The following SGCZ variants were observed in gnomAD, a reference collection of about 807,000 sequenced individuals.
SGCZ encodes the protein zeta-sarcoglycan.
A neutral mutation model predicts 41.3 loss-of-function variants in SGCZ; 40 were observed. That is an observed-to-expected ratio of 0.97 (90% CI 0.75 to 1.26). The LOEUF (loss-of-function observed/expected upper bound fraction) is 1.26. Among genes scored for constraint, SGCZ ranks in the 50% most tolerant of loss-of-function variants. SGCZ has a pLI of 0.00. For missense variants in SGCZ, 552 were observed against 369.8 expected, an observed-to-expected ratio of 1.49 and a Z score of -4.04; for synonymous variants, 206 against 137.5, an observed-to-expected ratio of 1.50 and a Z score of -3.49.
At chr8:14,464,544 G>T (rs562623532) in intron 2 of SGCZ, among the ~76,000 whole-genome samples, 1 of 147,258 alleles carries the variant, frequency 6.8e-6, no homozygotes, top group South Asian at 2.2e-4. Flanking sequence ...TCTTTTCAAA[G>T]AACCTAATTT....
intron 3 of SGCZ, chr8:14,309,242 C>T: frequency 6.6e-7 from 1 of 1,524,486 alleles, no homozygotes; most frequent in Non-Finnish European, 9.1e-7. Context: ...CTTCTGGGCT[C>T]TGTACAACCA....
At chr8:14,662,355 C>T (rs1201873111) in intron 1 of SGCZ, among the ~76,000 whole-genome samples, 2 of 152,172 alleles carry the variant, frequency 1.3e-5, no homozygotes, top group Non-Finnish European at 2.9e-5. Context: ...TTTGTTTCCT[C>T]ATGTGAAATG....
intron 2 of SGCZ, among the ~76,000 whole-genome samples, chr8:14,326,409 A>T (rs1395735079): frequency 1.3e-5 from 2 of 152,138 alleles, no homozygotes; most frequent in East Asian, 3.9e-4. Context: ...GAAGAGAGAA[A>T]AAAACGAATA....
intron 2 of SGCZ, among the ~76,000 whole-genome samples, chr8:14,463,522 T>G (rs952580975): frequency 1.1e-4 from 16 of 151,388 alleles, no homozygotes. Context: ...ATATGAAATC[T>G]AAAACTATAA....
intron 2 of SGCZ, among the ~76,000 whole-genome samples, chr8:14,368,959 G>A (rs184346210): frequency 4.6e-5 from 7 of 151,860 alleles, no homozygotes; most frequent in Admixed American, 2.0e-4. Context: ...TCTGATAGGG[G>A]TTAAGGAAGC....
At chr8:14,102,240 A>C (rs1973167) in intron 7 of SGCZ, 136 bp downstream of exon 7, 1 of 1,002,144 alleles carries the variant, frequency 1.0e-6, no homozygotes, top group Non-Finnish European at 1.3e-6. Context: ...ACCTAATATT[A>C]CTTTCCTAAG....
chr8:14,424,517 T>C (rs1409679757), intron 2 of SGCZ, among the ~76,000 whole-genome samples: 6 of 152,176 alleles, frequency 3.9e-5, no homozygotes, highest in Non-Finnish European at 8.8e-5. Context: ...TATACACAAA[T>C]ATGTGTGTGT....
At chr8:14,391,616 G>C (rs10156268) in intron 2 of SGCZ, among the ~76,000 whole-genome samples, 2,302 of 152,188 alleles carry the variant, frequency 0.015, 62 homozygotes, top group African/African-American at 0.052. Context: ...GTATTGCATA[G>C]ATGGGTATGA....
intron 1 of SGCZ, among the ~76,000 whole-genome samples, chr8:14,660,538 T>C (rs1807714031): frequency 8.3e-6 from 1 of 120,746 alleles, no homozygotes; most frequent in Non-Finnish European, 1.6e-5. Context: ...GCCACTGCAC[T>C]CCAGCCTGGG....
intron 1 of SGCZ, among the ~76,000 whole-genome samples, chr8:15,175,079 C>T (rs1799957108): frequency 6.6e-6 from 1 of 152,082 alleles, no homozygotes; most frequent in Admixed American, 6.5e-5. Context: ...CAAACCTGCA[C>T]ATTCTGCACG....
chr8:14,977,880 TACACACACACACACAC>T (rs10562709), intron 1 of SGCZ, among the ~76,000 whole-genome samples: 9 of 149,532 alleles, frequency 6.0e-5, no homozygotes, highest in Non-Finnish European at 1.2e-4. Flanking sequence ...AGAACAATTT[TACACACACACACACAC>T]ACACACACAC....
intron 5 of SGCZ, among the ~76,000 whole-genome samples, chr8:14,111,264 C>T (rs185642498): frequency 1.2e-4 from 18 of 152,166 alleles, no homozygotes; most frequent in Non-Finnish European, 2.5e-4. Context: ...ATACTGAAAG[C>T]ATATCTTGAG....
intron 1 of SGCZ, among the ~76,000 whole-genome samples, chr8:15,033,486 C>A (rs1217392753): frequency 1.3e-5 from 2 of 152,084 alleles, no homozygotes; most frequent in African/African-American, 2.4e-5. Context: ...GGTCCAATAT[C>A]ACCTTAGTAC....
chr8:14,341,689 T>C (rs1278071512), intron 2 of SGCZ, among the ~76,000 whole-genome samples: 2 of 152,174 alleles, frequency 1.3e-5, no homozygotes, highest in Non-Finnish European at 2.9e-5. Flanking sequence ...AGGAAGTAAT[T>C]GAATCATGGG....
chr8:14,240,685 C>G (rs1051512927), intron 3 of SGCZ, among the ~76,000 whole-genome samples: 2 of 152,112 alleles, frequency 1.3e-5, no homozygotes, highest in African/African-American at 4.8e-5. Context: ...TGATCTGAAC[C>G]AAAACCAAGT....
At chr8:14,332,025 A>G (rs1445637595) in intron 2 of SGCZ, among the ~76,000 whole-genome samples, 1 of 152,048 alleles carries the variant, frequency 6.6e-6, no homozygotes, top group Non-Finnish European at 1.5e-5. Context: ...CCTTATACAT[A>G]TCCTTATTCT....
intron 2 of SGCZ, among the ~76,000 whole-genome samples, chr8:14,520,409 G>A (rs1172755647): frequency 6.6e-6 from 1 of 152,064 alleles, no homozygotes; most frequent in East Asian, 1.9e-4. Context: ...AACTGAAACA[G>A]TTAATAACAT....
At chr8:15,165,193 G>C (rs1427345163) in intron 1 of SGCZ, among the ~76,000 whole-genome samples, 2 of 152,102 alleles carry the variant, frequency 1.3e-5, no homozygotes, top group East Asian at 1.9e-4. Context: ...AGGAGGCTGA[G>C]GCAGAAATGC....
intron 1 of SGCZ, among the ~76,000 whole-genome samples, chr8:14,753,541 C>T (rs1379372982): frequency 1.3e-5 from 2 of 152,202 alleles, no homozygotes; most frequent in Admixed American, 6.5e-5. Context: ...TCAAGGCCTT[C>T]CTTTGTGCAA....
Sources: allele counts gnomAD v4.1 joint callset (sites outside exome capture counted in the v4.1 genomes callset), GRCh38; gene constraint gnomAD v4.1.1; transcripts MANE v1.5; gene names NCBI Gene and HGNC (gene_info 2026-07-23, HGNC 2026-07-21).